GRIK2: variants seen among roughly 807,000 people sequenced by gnomAD.
GRIK2 encodes the protein glutamate receptor ionotropic, kainate 2.
GRIK2 carries 32 observed loss-of-function variants against 100.3 expected under a neutral mutation model. The observed-to-expected ratio is 0.32, with a 90% confidence interval of 0.24 to 0.43. GRIK2 has a LOEUF of 0.43. GRIK2 is among the 20% of genes least tolerant of loss of function. GRIK2 has a pLI of 1.00. For synonymous variants in GRIK2, 417 were observed against 389.4 expected, an observed-to-expected ratio of 1.07 and a Z score of -0.83; for missense variants, 843 against 1,114.9, an observed-to-expected ratio of 0.76 and a Z score of 3.47.
chr6:101,715,020 G>A (rs1004047744), intron 7 of GRIK2, among the ~76,000 whole-genome samples: 1 of 151,034 alleles, frequency 6.6e-6, no homozygotes, highest in Non-Finnish European at 1.5e-5. Context: ...ATATACAAAC[G>A]TTTTACAATT....
intron 10 of GRIK2, among the ~76,000 whole-genome samples, chr6:101,845,716 A>G: frequency 6.6e-6 from 1 of 152,146 alleles, no homozygotes; most frequent in East Asian, 1.9e-4. Flanking sequence ...TTCCATATTT[A>G]ACTTTTTGAG....
At chr6:101,815,365 TAA>T (rs1364846974) in intron 9 of GRIK2, among the ~76,000 whole-genome samples, 1 of 152,106 alleles carries the variant, frequency 6.6e-6, no homozygotes, top group Non-Finnish European at 1.5e-5. Flanking sequence ...GAACATAAAA[TAA>T]AAATGAATAA....
At chr6:101,759,344 G>T (rs1777336361) in intron 7 of GRIK2, among the ~76,000 whole-genome samples, 1 of 151,868 alleles carries the variant, frequency 6.6e-6, no homozygotes, top group South Asian at 2.1e-4. Context: ...TTTTTTTGTA[G>T]GGGTTGTAAA....
intron 2 of GRIK2, among the ~76,000 whole-genome samples, chr6:101,418,847 T>G (rs1397001388): frequency 3.3e-5 from 5 of 152,242 alleles, no homozygotes; most frequent in Non-Finnish European, 7.3e-5. Flanking sequence ...CTCAAACTCA[T>G]GTAATTTTCA....
chr6:101,689,076 G>C (rs1771910297), intron 7 of GRIK2, among the ~76,000 whole-genome samples: 1 of 151,820 alleles, frequency 6.6e-6, no homozygotes, highest in Non-Finnish European at 1.5e-5. Flanking sequence ...AAAATTGTAA[G>C]CATTTTCACA....
chr6:101,624,798 C>T (rs1346552106), intron 3 of GRIK2, among the ~76,000 whole-genome samples: 1 of 152,146 alleles, frequency 6.6e-6, no homozygotes, highest in Admixed American at 6.5e-5. Context: ...GTGGCACCAT[C>T]ATGGCTCACT....
chr6:101,911,531 A>G (rs1160233472), intron 12 of GRIK2, among the ~76,000 whole-genome samples: 1 of 151,526 alleles, frequency 6.6e-6, no homozygotes, highest in Non-Finnish European at 1.5e-5. Context: ...GACAGCCTTT[A>G]AACTTAAAGG....
intron 4 of GRIK2, among the ~76,000 whole-genome samples, chr6:101,634,220 A>G (rs1742568693): frequency 6.6e-6 from 1 of 152,096 alleles, no homozygotes; most frequent in African/African-American, 2.4e-5. Flanking sequence ...GACATGAAGA[A>G]TTCTAAGAGG....
rs575877172 is a variant in GRIK2, at chr6:101,606,851, C to T, written c.116-15098C>T. Among the ~76,000 whole-genome samples, 10 of 152,056 alleles carry T rather than the reference C, an allele frequency of 6.6e-5. No homozygotes were observed. In the Admixed American group the frequency reaches 6.6e-4, roughly 10 times the overall value. ...AAAAATGGCTTTGTTTAAGTTTGTA[C>T]TGTCTTCTCAGTATCTTTATTCCAT... On this transcript the variant is annotated intron_variant, in intron 2 of 16. Transcript: ENST00000369134.
intron 7 of GRIK2, among the ~76,000 whole-genome samples, chr6:101,787,329 TTTTTTC>T (rs1170273083): frequency 6.6e-6 from 1 of 152,008 alleles, no homozygotes; most frequent in Non-Finnish European, 1.5e-5. Flanking sequence ...TCTTTATTAT[TTTTTTC>T]TTCTACTAAT....
intron 2 of GRIK2, among the ~76,000 whole-genome samples, chr6:101,543,245 T>C (rs1776089876): frequency 6.6e-6 from 1 of 152,184 alleles, no homozygotes; most frequent in Non-Finnish European, 1.5e-5. Flanking sequence ...ATTAATCTTA[T>C]TTTCTTCTGT....
intron 15 of GRIK2, among the ~76,000 whole-genome samples, chr6:102,050,947 G>A (rs1039711461): frequency 1.3e-5 from 2 of 152,104 alleles, no homozygotes; most frequent in Non-Finnish European, 2.9e-5. Context: ...AATCTCTTAA[G>A]GAGTTTTAAT....
chr6:101,944,159 C>G (rs1460208893), intron 14 of GRIK2, among the ~76,000 whole-genome samples: 1 of 152,178 alleles, frequency 6.6e-6, no homozygotes, highest in Non-Finnish European at 1.5e-5. Context: ...TAAGGCATGT[C>G]TTGCTTCCCC....
At chr6:101,909,371 G>GTTTTTTT (rs370241149) in intron 12 of GRIK2, among the ~76,000 whole-genome samples, 24,141 of 80,112 alleles carry the variant, frequency 0.3, 4,484 homozygotes, top group Non-Finnish European at 0.34. Context: ...GGAAGATAGG[G>GTTTTTTT]TTTTCTTTTT....
At chr6:101,556,138 C>T (rs1368841916) in intron 2 of GRIK2, among the ~76,000 whole-genome samples, 1 of 151,552 alleles carries the variant, frequency 6.6e-6, no homozygotes, top group Non-Finnish European at 1.5e-5. Flanking sequence ...TCCATAAATG[C>T]TCATAAAGAC....
At chr6:101,526,245 G>T (rs559321786) in intron 2 of GRIK2, among the ~76,000 whole-genome samples, 128 of 152,214 alleles carry the variant, frequency 8.4e-4, no homozygotes, top group Admixed American at 4.1e-3. Context: ...ATTTGCTTCT[G>T]TTTTTGCTCT....
chr6:101,886,991 A>ATT lies in GRIK2; in HGVS notation c.1525-2639_1525-2638dup, dbSNP rs35339842. On this transcript the variant is annotated intron_variant, in intron 11 of 16. Coordinates refer to ENST00000369134, the MANE Select transcript of GRIK2 (RefSeq NM_021956.5). The stretch of plus-strand genomic sequence containing the variant: ...CAGGCGTGTGCCACCACACCTGGGT[A>ATT]TTTTTTTTTTTGTATTTTAGTAGAG... 3.3e-4 allele frequency among the ~76,000 whole-genome samples: 47 copies of ATT among 144,320 alleles called. No homozygotes were observed. The South Asian group carries it at 4.4e-3, about 14-fold the overall frequency. 94.7% of individuals were successfully genotyped at this position (144,320 alleles called of 152,430 possible). A position where few individuals can be genotyped will look rare whatever the true frequency, so the allele number is the denominator to read the frequency against.
At chr6:101,627,637 G>A (rs547135034) in intron 4 of GRIK2, among the ~76,000 whole-genome samples, 1 of 152,090 alleles carries the variant, frequency 6.6e-6, no homozygotes, top group African/African-American at 2.4e-5. Flanking sequence ...GGTTAGAAAA[G>A]TTTTTACTCA....
intron 2 of GRIK2, among the ~76,000 whole-genome samples, chr6:101,504,955 A>G: frequency 6.6e-6 from 1 of 152,112 alleles, no homozygotes; most frequent in Non-Finnish European, 1.5e-5. Flanking sequence ...TTGTTAAGTC[A>G]GTACTTTTTG....
Sources: allele counts gnomAD v4.1 joint callset (sites outside exome capture counted in the v4.1 genomes callset), GRCh38; gene constraint gnomAD v4.1.1; transcripts MANE v1.5; gene names NCBI Gene and HGNC (gene_info 2026-07-23, HGNC 2026-07-21).